The following VNN1 variants were observed in gnomAD, a reference collection of about 807,000 sequenced individuals.
VNN1 encodes pantetheinase.
VNN1 carries 29 observed loss-of-function variants against 41.9 expected under a neutral mutation model. That is an observed-to-expected ratio of 0.69 (90% CI 0.52 to 0.94). The LOEUF is 0.94. VNN1 is among the 40% of genes least tolerant of loss of function. VNN1 has a pLI of 0.00. For synonymous variants in VNN1, 233 were observed against 224.4 expected (o/e 1.04, Z -0.34); for missense variants, 637 against 621.1 (o/e 1.03, Z -0.27).
At chr6:132,694,434 G>A (rs186727883) in intron 2 of VNN1, among the ~76,000 whole-genome samples, 10 of 152,228 alleles carry the variant, frequency 6.6e-5, no homozygotes, top group Admixed American at 2.0e-4. Flanking sequence ...AGCATTTATC[G>A]TAATCTATAG....
At chr6:132,712,318 T>TGTA (rs1235521587) in intron 1 of VNN1, among the ~76,000 whole-genome samples, 5 of 151,990 alleles carry the variant, frequency 3.3e-5, no homozygotes, top group Admixed American at 2.6e-4. Context: ...CCTGGCTAAT[T>TGTA]TTTGTATTTT....
intron 2 of VNN1, among the ~76,000 whole-genome samples, chr6:132,703,480 T>G (rs1778476198): frequency 6.6e-6 from 1 of 152,190 alleles, no homozygotes; most frequent in Non-Finnish European, 1.5e-5. Flanking sequence ...CAATGTTAAG[T>G]TGTCATCACT....
intron 5 of VNN1, among the ~76,000 whole-genome samples, chr6:132,688,987 C>A (rs1265085486): frequency 6.6e-6 from 1 of 152,166 alleles, no homozygotes; most frequent in Non-Finnish European, 1.5e-5. Flanking sequence ...CTCCCAGGAT[C>A]AAGCAATTCT....
At chr6:132,687,318 T>C (rs1778223402) in intron 5 of VNN1, among the ~76,000 whole-genome samples, 2 of 152,322 alleles carry the variant, frequency 1.3e-5, no homozygotes, top group Non-Finnish European at 1.5e-5. Context: ...AAAGGCAGTT[T>C]CAGACCAGTG....
chr6:132,706,911 C>T (rs574591686), intron 2 of VNN1, among the ~76,000 whole-genome samples: 2 of 151,744 alleles, frequency 1.3e-5, no homozygotes, highest in South Asian at 2.1e-4. Context: ...TGAAAAGTTG[C>T]TCAACATCAC....
intron 6 of VNN1, among the ~76,000 whole-genome samples, chr6:132,683,823 C>G (rs1332671974): frequency 1.3e-5 from 2 of 152,216 alleles, no homozygotes; most frequent in Non-Finnish European, 1.5e-5. Flanking sequence ...AAGAATGTGG[C>G]TGGGCAGAGC....
chr6:132,694,731 G>A (rs1778344077), intron 2 of VNN1, among the ~76,000 whole-genome samples: 1 of 151,946 alleles, frequency 6.6e-6, no homozygotes, highest in Non-Finnish European at 1.5e-5. Flanking sequence ...GCATAGTGGT[G>A]TGTGCCTGTA....
At chr6:132,690,089 A>T (rs2114340022) in intron 5 of VNN1, among the ~76,000 whole-genome samples, 1 of 152,340 alleles carries the variant, frequency 6.6e-6, no homozygotes, top group Middle Eastern at 3.4e-3. Flanking sequence ...CAACAAACAC[A>T]GTCTTGGTCC....
chr6:132,693,589 G>T (rs557718092), intron 3 of VNN1, among the ~76,000 whole-genome samples: 3 of 152,302 alleles, frequency 2.0e-5, no homozygotes, highest in African/African-American at 7.2e-5. Flanking sequence ...ACTTCTGTTT[G>T]CCAAGTAGAC....
chr6:132,690,645 T>A (rs182997524), intron 5 of VNN1, among the ~76,000 whole-genome samples: 2 of 152,354 alleles, frequency 1.3e-5, no homozygotes, highest in Non-Finnish European at 2.9e-5. Context: ...AAGAGGAGGA[T>A]CTATGCTTAT....
chr6:132,701,639 A>G (rs1778450175), intron 2 of VNN1, among the ~76,000 whole-genome samples: 1 of 152,238 alleles, frequency 6.6e-6, no homozygotes, highest in African/African-American at 2.4e-5. Flanking sequence ...TTCCTGCAGG[A>G]TCACCAAACT....
At position 132,693,098 on chromosome 6, in the gene VNN1, T is replaced by A; in HGVS notation, c.752A>T (p.His251Leu). The A allele has an allele frequency of 1.9e-6, 3 of 1,613,894 alleles. No homozygotes were observed. Among genetic ancestry groups the A allele is most frequent in the Non-Finnish European group, 2.5e-6 (3 of 1,179,974 alleles). ...VLPHLSAVEF[H>L]SAWAMGMRVN... is the part of the protein sequence containing the mutation. ...CCTCATGCCCATAGCCCAAGCTGAG[T>A]GGAATTCAACAGCTGACAAATGTGG... The change falls in exon 4 of 7, where the codon CAC (histidine) becomes CTC (leucine). Residue 251 changes from histidine to leucine, a missense_variant. His to Leu is a moderately conservative substitution (Grantham distance 99). Coordinates refer to ENST00000367928, the MANE Select transcript of VNN1 (RefSeq NM_004666.3).
At position 132,693,017 on chromosome 6, in the gene VNN1, A is replaced by G. The variant is rs1405163320; in HGVS notation, c.826+7T>C. ...TCAGCCTGCATATCTTTAAGATCACACATTACCTGTCATTTTCTTTGAGGG... is the reference window on the plus strand; with the variant it reads ...TCAGCCTGCATATCTTTAAGATCACGCATTACCTGTCATTTTCTTTGAGGG... On this transcript the variant is annotated splice_region_variant and intron_variant, in intron 4 of 6. Coordinates refer to ENST00000367928, the MANE Select transcript of VNN1 (RefSeq NM_004666.3). 6.3e-7 allele frequency: 1 copy of G among 1,598,000 alleles called. No individual in the cohort carries two copies. The highest frequency in any genetic ancestry group is 2.2e-5 in the East Asian group (1 of 44,618).
chr6:132,684,871 G>A (rs1036710405), intron 5 of VNN1, among the ~76,000 whole-genome samples: 2 of 152,020 alleles, frequency 1.3e-5, no homozygotes, highest in African/African-American at 4.8e-5. Flanking sequence ...AAAAATAAAG[G>A]GCTTTAAGCC....
At chr6:132,705,839 T>TA (rs1372446808) in intron 2 of VNN1, among the ~76,000 whole-genome samples, 2 of 151,922 alleles carry the variant, frequency 1.3e-5, no homozygotes, top group East Asian at 1.9e-4. Flanking sequence ...AAAATCAACA[T>TA]AAAAAATCAG....
At chr6:132,694,886 C>A (rs373632102) in intron 2 of VNN1, among the ~76,000 whole-genome samples, 3 of 152,084 alleles carry the variant, frequency 2.0e-5, no homozygotes, top group East Asian at 3.9e-4. Context: ...GGTGTGGTAG[C>A]TCATGCCTGT....
chr6:132,689,639 C>A (rs1458863551), intron 5 of VNN1, among the ~76,000 whole-genome samples: 1 of 152,108 alleles, frequency 6.6e-6, no homozygotes, highest in Non-Finnish European at 1.5e-5. Flanking sequence ...CTTTCCTGCC[C>A]CAAATACCGA....
intron 6 of VNN1, among the ~76,000 whole-genome samples, chr6:132,683,778 G>A (rs953498550): frequency 1.3e-5 from 2 of 152,224 alleles, no homozygotes; most frequent in Non-Finnish European, 2.9e-5. Context: ...TACCAGGAAC[G>A]GGGAGTGGGA....
At position 132,683,124 on chromosome 6, in the gene VNN1, A is replaced by T; in HGVS notation, c.*16T>A. The T allele has an allele frequency of 1.3e-6, 2 of 1,567,696 alleles. No individual in the cohort carries two copies. Among genetic ancestry groups the T allele is most frequent in the Non-Finnish European group, 8.6e-7 (1 of 1,159,190 alleles). ...TTTTAAATTATCCCAAATAAAAAAG[A>T]GAAAAAGTCAATATTCTACCAACTT... On this transcript the variant is annotated 3_prime_UTR_variant, in exon 7 of 7. Coordinates refer to ENST00000367928, the MANE Select transcript of VNN1 (RefSeq NM_004666.3).
Sources: allele counts gnomAD v4.1 joint callset (sites outside exome capture counted in the v4.1 genomes callset), GRCh38; gene constraint gnomAD v4.1.1; transcripts MANE v1.5; gene names NCBI Gene and HGNC (gene_info 2026-07-23, HGNC 2026-07-21).